Variants in PIBF1 observed in about 807,000 individuals in gnomAD.
The protein encoded by PIBF1 is progesterone immunomodulatory binding factor 1.
PIBF1 carries 90 observed loss-of-function variants against 112.5 expected under a neutral mutation model. The observed-to-expected ratio is 0.80, with a 90% CI of 0.67 to 0.95. The LOEUF (loss-of-function observed/expected upper bound fraction) is 0.95. PIBF1 is among the 40% of genes least tolerant of loss of function. PIBF1 has a pLI of 0.00. For missense variants in PIBF1, 915 were observed against 852.3 expected, an observed-to-expected ratio of 1.07 and a Z score of -0.92; for synonymous variants, 301 against 288.6, an observed-to-expected ratio of 1.04 and a Z score of -0.44.
At chr13:73,001,740 C>T (rs1257804118) in intron 17 of PIBF1, among the ~76,000 whole-genome samples, 1 of 151,578 alleles carries the variant, frequency 6.6e-6, no homozygotes, top group South Asian at 2.1e-4. Flanking sequence ...TCTCCTGCCT[C>T]ATCCTCCTGA....
intron 16 of PIBF1, among the ~76,000 whole-genome samples, chr13:72,994,903 T>G (rs1374623804): frequency 6.6e-6 from 1 of 152,218 alleles, no homozygotes; most frequent in Non-Finnish European, 1.5e-5. Flanking sequence ...TCATGATCAT[T>G]TCATTGTAAT....
At chr13:72,968,769 C>A (rs1427275847) in intron 15 of PIBF1, among the ~76,000 whole-genome samples, 1 of 152,038 alleles carries the variant, frequency 6.6e-6, no homozygotes, top group Non-Finnish European at 1.5e-5. Flanking sequence ...CAGCCAGTTT[C>A]CTCATATGTG....
intron 9 of PIBF1, among the ~76,000 whole-genome samples, chr13:72,853,621 A>G (rs1340865109): frequency 6.6e-6 from 1 of 152,072 alleles, no homozygotes; most frequent in Non-Finnish European, 1.5e-5. Flanking sequence ...CTTCATTTCA[A>G]TGATTCTCTT....
intron 14 of PIBF1, among the ~76,000 whole-genome samples, chr13:72,932,069 G>C (rs2041727519): frequency 6.6e-6 from 1 of 150,462 alleles, no homozygotes; most frequent in Non-Finnish European, 1.5e-5. Context: ...AGCCTCCCAA[G>C]TAGCTGGAAC....
chr13:72,798,618 A>G (rs2035311860), intron 5 of PIBF1, among the ~76,000 whole-genome samples: 2 of 152,190 alleles, frequency 1.3e-5, no homozygotes, highest in African/African-American at 4.8e-5. Flanking sequence ...TCATAAATCA[A>G]CATTTATATA....
At chr13:72,811,630 A>G (rs1207974538) in intron 5 of PIBF1, among the ~76,000 whole-genome samples, 1 of 151,824 alleles carries the variant, frequency 6.6e-6, no homozygotes, top group Admixed American at 6.6e-5. Flanking sequence ...TGTATATATT[A>G]ATGCCATTTC....
intron 10 of PIBF1, among the ~76,000 whole-genome samples, chr13:72,861,555 T>C (rs2038699851): frequency 6.6e-6 from 1 of 152,092 alleles, no homozygotes; most frequent in South Asian, 2.1e-4. Flanking sequence ...TTCCTTTCAG[T>C]GCTTTTTTTC....
At chr13:72,902,393 A>T (rs1300537872) in intron 11 of PIBF1, among the ~76,000 whole-genome samples, 2 of 151,784 alleles carry the variant, frequency 1.3e-5, no homozygotes, top group Non-Finnish European at 2.9e-5. Context: ...AAAAATAATT[A>T]ATAAATAAGG....
chr13:72,889,678 T>C (rs2039983048), intron 10 of PIBF1, among the ~76,000 whole-genome samples: 1 of 152,204 alleles, frequency 6.6e-6, no homozygotes, highest in Non-Finnish European at 1.5e-5. Context: ...TCTTTATCTG[T>C]ACACAGTTGT....
chr13:72,994,342 GA>G (rs2043580026), intron 16 of PIBF1, among the ~76,000 whole-genome samples: 1 of 152,102 alleles, frequency 6.6e-6, no homozygotes, highest in South Asian at 2.1e-4. Flanking sequence ...CTATCAATGA[GA>G]AAACAAAAGG....
intron 14 of PIBF1, among the ~76,000 whole-genome samples, chr13:72,949,718 T>C (rs2042248139): frequency 6.6e-6 from 1 of 152,246 alleles, no homozygotes; most frequent in Non-Finnish European, 1.5e-5. Flanking sequence ...TGTGTGTGTG[T>C]GTATCTGAAA....
chr13:72,881,268 G>A (rs1389013574), intron 10 of PIBF1: 1 of 152,024 alleles, frequency 6.6e-6, no homozygotes, highest in African/African-American at 2.4e-5. Context: ...AAAACTATTA[G>A]AATTGATGGG....
At chr13:72,869,234 A>C (rs1489604891) in intron 10 of PIBF1, among the ~76,000 whole-genome samples, 1 of 152,178 alleles carries the variant, frequency 6.6e-6, no homozygotes, top group Non-Finnish European at 1.5e-5. Flanking sequence ...CAACAATGGT[A>C]GACTGGATTG....
chr13:72,955,671 A>G (rs2042426684), intron 14 of PIBF1, among the ~76,000 whole-genome samples: 2 of 152,246 alleles, frequency 1.3e-5, no homozygotes, highest in South Asian at 4.1e-4. Flanking sequence ...CATTAAAATT[A>G]ATTTCTCAAA....
intron 17 of PIBF1, among the ~76,000 whole-genome samples, chr13:73,013,153 T>G (rs1452921027): frequency 6.6e-6 from 1 of 150,838 alleles, no homozygotes. Flanking sequence ...TACAAAAAAT[T>G]AGCCGGGCGT....
chr13:73,012,787 G>T (rs1487606798), intron 17 of PIBF1, among the ~76,000 whole-genome samples: 2 of 138,988 alleles, frequency 1.4e-5, no homozygotes, highest in Non-Finnish European at 3.3e-5. Flanking sequence ...AATAATAAGG[G>T]TATTGTAACA....
intron 10 of PIBF1, among the ~76,000 whole-genome samples, chr13:72,883,908 C>T (rs960503755): frequency 1.3e-5 from 2 of 152,076 alleles, no homozygotes; most frequent in African/African-American, 2.4e-5. Context: ...TGCAAAACCC[C>T]GTCTCTATTA....
chr13:72,875,067 A>G (rs1011461087), intron 10 of PIBF1, among the ~76,000 whole-genome samples: 1 of 152,230 alleles, frequency 6.6e-6, no homozygotes, highest in Admixed American at 6.5e-5. Flanking sequence ...GTATATATCT[A>G]TCAATGTAGT....
chr13:72,967,203 G>A (rs947778896), intron 15 of PIBF1, among the ~76,000 whole-genome samples: 1 of 152,012 alleles, frequency 6.6e-6, no homozygotes, highest in Non-Finnish European at 1.5e-5. Flanking sequence ...CGAAGTGCTA[G>A]GATTAAAGGC....
Sources: allele counts gnomAD v4.1 joint callset (sites outside exome capture counted in the v4.1 genomes callset), GRCh38; gene constraint gnomAD v4.1.1; transcripts MANE v1.5; gene names NCBI Gene and HGNC (gene_info 2026-07-23, HGNC 2026-07-21).